PTPRD: variants seen among roughly 807,000 people sequenced by gnomAD.
PTPRD encodes the protein receptor-type tyrosine-protein phosphatase delta.
Under a neutral mutation model 214.5 loss-of-function variants are expected in PTPRD, and 34 were observed. The observed-to-expected ratio is 0.16, with a 90% CI of 0.12 to 0.21. The LOEUF (loss-of-function observed/expected upper bound fraction) is 0.21, where lower values mean the gene tolerates loss of function less well. PTPRD is among the 10% of genes least tolerant of loss of function. The pLI is 1.00. For missense variants in PTPRD, 2,545 were observed against 2,398.7 expected, an observed-to-expected ratio of 1.06 and a Z score of -1.27; for synonymous variants, 1,128 against 845.7, an observed-to-expected ratio of 1.33 and a Z score of -5.79.
chr9:10,110,265 C>G (rs1202811582), intron 3 of PTPRD, among the ~76,000 whole-genome samples: 1 of 152,148 alleles, frequency 6.6e-6, no homozygotes, highest in African/African-American at 2.4e-5. Context: ...TCTAGTTGCA[C>G]AAACTTGGAA....
chr9:10,113,974 G>A (rs1029220141), intron 3 of PTPRD, among the ~76,000 whole-genome samples: 3 of 152,242 alleles, frequency 2.0e-5, no homozygotes, highest in African/African-American at 4.8e-5. Context: ...AAATTCCAGT[G>A]TCTACTCTTA....
At chr9:9,589,294 G>T (rs1563895185) in intron 7 of PTPRD, among the ~76,000 whole-genome samples, 1 of 151,560 alleles carries the variant, frequency 6.6e-6, no homozygotes, top group Non-Finnish European at 1.5e-5. Flanking sequence ...TTCCTACATA[G>T]AAAATTTAGA....
At chr9:9,666,431 A>G (rs16930009) in intron 7 of PTPRD, among the ~76,000 whole-genome samples, 3,791 of 152,062 alleles carry the variant, frequency 0.025, 140 homozygotes, top group African/African-American at 0.087. Flanking sequence ...AGAATGTTCA[A>G]CTTCTAAGAT....
At chr9:8,940,676 C>A (rs1008400292) in intron 11 of PTPRD, among the ~76,000 whole-genome samples, 1 of 151,974 alleles carries the variant, frequency 6.6e-6, no homozygotes, top group Non-Finnish European at 1.5e-5. Context: ...TGGGAACTTT[C>A]TAATGTAATG....
At chr9:8,515,773 C>T (rs2097771735) in intron 21 of PTPRD, among the ~76,000 whole-genome samples, 1 of 152,130 alleles carries the variant, frequency 6.6e-6, no homozygotes, top group Non-Finnish European at 1.5e-5. Flanking sequence ...CTGCCAACAC[C>T]TTGATCTCAG....
At chr9:8,612,443 C>G (rs987451980) in intron 14 of PTPRD, among the ~76,000 whole-genome samples, 3 of 152,204 alleles carry the variant, frequency 2.0e-5, no homozygotes, top group African/African-American at 7.2e-5. Flanking sequence ...TTGAGTGAAA[C>G]TGTAGATAGA....
chr9:8,570,281 C>A (rs559953117), intron 14 of PTPRD, among the ~76,000 whole-genome samples: 5 of 152,018 alleles, frequency 3.3e-5, no homozygotes, highest in Non-Finnish European at 7.4e-5. Context: ...ATACTATTTG[C>A]CACAATACAA....
intron 7 of PTPRD, among the ~76,000 whole-genome samples, chr9:9,598,200 CAAT>C (rs1456431033): frequency 6.6e-6 from 1 of 151,958 alleles, no homozygotes; most frequent in African/African-American, 2.4e-5. Flanking sequence ...AAGGGGTTGC[CAAT>C]GAGAAAATAG....
intron 14 of PTPRD, among the ~76,000 whole-genome samples, chr9:8,570,235 A>C (rs1369807695): frequency 6.6e-6 from 1 of 152,156 alleles, no homozygotes; most frequent in Non-Finnish European, 1.5e-5. Context: ...TGGTCATAAT[A>C]AATACACTCC....
intron 11 of PTPRD, among the ~76,000 whole-genome samples, chr9:8,915,483 G>A (rs892280580): frequency 6.6e-6 from 1 of 151,784 alleles, no homozygotes; most frequent in African/African-American, 2.4e-5. Context: ...AATGTGATAT[G>A]TGTGTGTGTG....
chr9:8,914,005 A>G (rs1316752779), intron 11 of PTPRD, among the ~76,000 whole-genome samples: 2 of 152,146 alleles, frequency 1.3e-5, no homozygotes, highest in Admixed American at 1.3e-4. Context: ...ATTCTCAGAG[A>G]ACGGTCAGTT....
intron 34 of PTPRD, among the ~76,000 whole-genome samples, chr9:8,447,856 G>T (rs188210068): frequency 2.7e-3 from 405 of 152,248 alleles, no homozygotes; most frequent in Non-Finnish European, 3.3e-3. Flanking sequence ...CTAGCAGCAA[G>T]GTACTGAGAA....
intron 3 of PTPRD, among the ~76,000 whole-genome samples, chr9:10,328,654 T>G (rs2154433077): frequency 6.6e-6 from 1 of 151,806 alleles, no homozygotes; most frequent in Non-Finnish European, 1.5e-5. Context: ...CAAGAGAAAA[T>G]ATTTGATTAT....
At chr9:8,829,860 A>G (rs1390096783) in intron 11 of PTPRD, among the ~76,000 whole-genome samples, 3 of 152,206 alleles carry the variant, frequency 2.0e-5, no homozygotes, top group African/African-American at 4.8e-5. Flanking sequence ...GGAAATAACA[A>G]TAACATATCA....
chr9:8,717,752 T>G (rs1233501941), intron 12 of PTPRD, among the ~76,000 whole-genome samples: 3 of 152,194 alleles, frequency 2.0e-5, no homozygotes, highest in Non-Finnish European at 4.4e-5. Flanking sequence ...ATTCTGATGT[T>G]TTATCAAGTT....
chr9:9,834,824 T>C (rs776340467), intron 5 of PTPRD, among the ~76,000 whole-genome samples: 19 of 152,192 alleles, frequency 1.2e-4, no homozygotes, highest in East Asian at 9.7e-4. Context: ...GATTAGCATA[T>C]ATTTAATTGA....
At chr9:9,166,248 A>C (rs1433916740) in intron 10 of PTPRD, among the ~76,000 whole-genome samples, 1 of 152,002 alleles carries the variant, frequency 6.6e-6, no homozygotes, top group East Asian at 1.9e-4. Flanking sequence ...GAGAAACAAA[A>C]ATATATTGCT....
intron 9 of PTPRD, among the ~76,000 whole-genome samples, chr9:9,323,284 G>A (rs746170510): frequency 6.6e-6 from 1 of 151,898 alleles, no homozygotes; most frequent in African/African-American, 2.4e-5. Flanking sequence ...TTGTTAAATC[G>A]ATAATAATGC....
intron 9 of PTPRD, among the ~76,000 whole-genome samples, chr9:9,201,593 G>C (rs768946316): frequency 6.6e-6 from 1 of 152,044 alleles, no homozygotes; most frequent in Non-Finnish European, 1.5e-5. Context: ...TACAGGGTTA[G>C]GATCAGGCTC....
Sources: gnomAD v4.1 joint callset for allele counts (sites outside exome capture counted in the v4.1 genomes callset) on GRCh38, gnomAD v4.1.1 for gene constraint, MANE v1.5 for transcripts, NCBI Gene and HGNC (gene_info 2026-07-23, HGNC 2026-07-21) for gene names.